Variants in SUSD6 observed in about 807,000 individuals in gnomAD.
SUSD6 encodes the protein sushi domain-containing protein 6.
Under a neutral mutation model 28.4 loss-of-function variants are expected in SUSD6, and 16 were observed. The observed-to-expected ratio is 0.56, with a 90% confidence interval of 0.38 to 0.86. SUSD6 has a LOEUF of 0.86. SUSD6 is among the 40% of genes least tolerant of loss of function. SUSD6 has a pLI of 0.00. For synonymous variants in SUSD6, 147 were observed against 159.6 expected (o/e 0.92, Z 0.59); for missense variants, 341 against 384.2 (o/e 0.89, Z 0.94).
intron 1 of SUSD6, among the ~76,000 whole-genome samples, chr14:69,644,756 T>C (rs1020739794): frequency 2.6e-5 from 4 of 152,226 alleles, no homozygotes; most frequent in Admixed American, 1.3e-4. Context: ...TGGATTACTT[T>C]TGGAATCTCT....
intron 2 of SUSD6, among the ~76,000 whole-genome samples, chr14:69,696,593 C>T (rs1886228409): frequency 1.3e-5 from 2 of 152,214 alleles, no homozygotes; most frequent in Admixed American, 1.3e-4. Context: ...CTCCTTCTTT[C>T]CACATCTTCA....
chr14:69,619,624 A>T (rs991122360), intron 1 of SUSD6, among the ~76,000 whole-genome samples: 1 of 151,722 alleles, frequency 6.6e-6, no homozygotes, highest in Non-Finnish European at 1.5e-5. Context: ...ATTAAAAATT[A>T]GCTGGGCATG....
chr14:69,638,744 CTTCCTA>C (rs1317109819), intron 1 of SUSD6, among the ~76,000 whole-genome samples: 1 of 152,140 alleles, frequency 6.6e-6, no homozygotes, highest in Non-Finnish European at 1.5e-5. Flanking sequence ...AGGCTGTGTC[CTTCCTA>C]TTCCACCTTT....
intron 1 of SUSD6, among the ~76,000 whole-genome samples, chr14:69,612,118 C>G (rs1229430388): frequency 6.6e-6 from 1 of 151,780 alleles, no homozygotes; most frequent in Non-Finnish European, 1.5e-5. Context: ...ACTTGGTGAC[C>G]CGCGGTCCGG....
intron 2 of SUSD6, among the ~76,000 whole-genome samples, chr14:69,669,583 C>T (rs183231146): frequency 1.1e-3 from 174 of 152,314 alleles, no homozygotes; most frequent in South Asian, 2.1e-3. Flanking sequence ...TCTACCTCTA[C>T]GTCTGTTTCT....
chr14:69,639,582 G>C (rs1885319336), intron 1 of SUSD6, among the ~76,000 whole-genome samples: 1 of 152,146 alleles, frequency 6.6e-6, no homozygotes, highest in African/African-American at 2.4e-5. Flanking sequence ...GGGACATGCT[G>C]GTTGGACAAA....
intron 2 of SUSD6, among the ~76,000 whole-genome samples, chr14:69,668,085 G>C (rs536882709): frequency 3.0e-4 from 46 of 152,328 alleles, no homozygotes; most frequent in Admixed American, 2.9e-3. Context: ...AGCAGTAGCA[G>C]TGTGTGGGGG....
chr14:69,643,604 G>A (rs1885384426), intron 1 of SUSD6, among the ~76,000 whole-genome samples: 1 of 152,344 alleles, frequency 6.6e-6, no homozygotes. Flanking sequence ...GAATTGGTGA[G>A]CAAACAGCAG....
chr14:69,689,134 G>A (rs753705626), intron 2 of SUSD6, among the ~76,000 whole-genome samples: 3 of 151,932 alleles, frequency 2.0e-5, no homozygotes, highest in Admixed American at 1.3e-4. Flanking sequence ...CCTACTTCCC[G>A]TGAAGTTGGA....
chr14:69,697,698 T>C (rs1886246241), intron 2 of SUSD6, among the ~76,000 whole-genome samples: 1 of 152,238 alleles, frequency 6.6e-6, no homozygotes, highest in Non-Finnish European at 1.5e-5. Context: ...CATCCATTCC[T>C]TCCTCCTCTC....
At chr14:69,691,951 A>G (rs1886159090) in intron 2 of SUSD6, among the ~76,000 whole-genome samples, 2 of 150,772 alleles carry the variant, frequency 1.3e-5, no homozygotes, top group Non-Finnish European at 2.9e-5. Context: ...AGGCAGGAGA[A>G]TTGCTTGAAC....
chr14:69,627,811 T>G (rs1432255165), intron 1 of SUSD6, among the ~76,000 whole-genome samples: 1 of 152,134 alleles, frequency 6.6e-6, no homozygotes, highest in African/African-American at 2.4e-5. Context: ...CTGTCAGAAT[T>G]AATTTTAATC....
chr14:69,658,721 C>T lies in SUSD6; in HGVS notation c.121+8C>T. ...GAGACGGACTTGCTTCCGGTAAGTCCTGACCTGCCTTCTGTGTGTGGGTGG... is the reference window on the plus strand; with the variant it reads ...GAGACGGACTTGCTTCCGGTAAGTCTTGACCTGCCTTCTGTGTGTGGGTGG... On this transcript the variant is annotated splice_region_variant and intron_variant, in intron 2 of 5. Transcript: ENST00000342745. 1 of 1,613,912 alleles carries T rather than the reference C, an allele frequency of 6.2e-7. No individual in the cohort carries two copies. The highest frequency in any genetic ancestry group is 8.5e-7 in the Non-Finnish European group (1 of 1,179,880).
At chr14:69,652,504 G>A (rs1885519442) in intron 1 of SUSD6, among the ~76,000 whole-genome samples, 2 of 152,134 alleles carry the variant, frequency 1.3e-5, no homozygotes, top group Non-Finnish European at 1.5e-5. Context: ...TGTAAACGGA[G>A]TCTGACTTTA....
At chr14:69,618,031 A>G (rs747687345) in intron 1 of SUSD6, among the ~76,000 whole-genome samples, 6 of 152,174 alleles carry the variant, frequency 3.9e-5, no homozygotes, top group African/African-American at 7.2e-5. Flanking sequence ...CATTTCCTCT[A>G]CAGGATGTGT....
chr14:69,653,250 G>T (rs1885529251), intron 1 of SUSD6, among the ~76,000 whole-genome samples: 1 of 152,120 alleles, frequency 6.6e-6, no homozygotes, highest in Admixed American at 6.5e-5. Flanking sequence ...GCTGACGGTC[G>T]AGCTGAGGCC....
At chr14:69,643,080 G>A (rs907539799) in intron 1 of SUSD6, among the ~76,000 whole-genome samples, 1 of 152,180 alleles carries the variant, frequency 6.6e-6, no homozygotes. Flanking sequence ...TGGGGCAGTA[G>A]TAGGGCTCAC....
chr14:69,629,722 T>G (rs1257449526), intron 1 of SUSD6, among the ~76,000 whole-genome samples: 1 of 152,198 alleles, frequency 6.6e-6, no homozygotes, highest in Non-Finnish European at 1.5e-5. Context: ...CTTCTTGCCG[T>G]GAGGCTGGGG....
At chr14:69,634,315 C>T (rs1885233756) in intron 1 of SUSD6, among the ~76,000 whole-genome samples, 1 of 152,110 alleles carries the variant, frequency 6.6e-6, no homozygotes, top group Non-Finnish European at 1.5e-5. Context: ...GTATTATTGG[C>T]ACTTGTATTG....
Sources: allele counts gnomAD v4.1 joint callset (sites outside exome capture counted in the v4.1 genomes callset), GRCh38; gene constraint gnomAD v4.1.1; transcripts MANE v1.5; gene names NCBI Gene and HGNC (gene_info 2026-07-23, HGNC 2026-07-21).